The following KIAA1549L variants were observed in gnomAD, a reference collection of about 807,000 sequenced individuals.
KIAA1549L encodes KIAA1549 like, also known as UPF0606 protein KIAA1549L.
Under a neutral mutation model 160.7 loss-of-function variants are expected in KIAA1549L, and 88 were observed. The ratio of observed to expected loss-of-function variants is 0.55; its 90% CI spans 0.46 to 0.65. The LOEUF (loss-of-function observed/expected upper bound fraction) is 0.65, where lower values mean the gene tolerates loss of function less well. Among genes scored for constraint, KIAA1549L ranks in the 30% least tolerant of loss-of-function variants. KIAA1549L has a pLI of 0.00. For missense variants in KIAA1549L, 2,258 were observed against 2,437.5 expected, an observed-to-expected ratio of 0.93 and a Z score of 1.55; for synonymous variants, 950 against 976.7, an observed-to-expected ratio of 0.97 and a Z score of 0.51.
intron 15 of KIAA1549L, among the ~76,000 whole-genome samples, chr11:33,617,371 C>T (rs542443168): frequency 2.0e-5 from 3 of 152,082 alleles, no homozygotes; most frequent in Non-Finnish European, 2.9e-5. Context: ...TATTTACTTC[C>T]CACTCTTTGA....
intron 17 of KIAA1549L, among the ~76,000 whole-genome samples, chr11:33,654,499 G>A (rs1332482934): frequency 6.6e-6 from 1 of 152,128 alleles, no homozygotes; most frequent in South Asian, 2.1e-4. Flanking sequence ...CTCCAACAAG[G>A]ATTTACAATT....
At chr11:33,431,642 T>TC (rs1302167299) in intron 1 of KIAA1549L, among the ~76,000 whole-genome samples, 2 of 152,344 alleles carry the variant, frequency 1.3e-5, no homozygotes, top group Admixed American at 6.5e-5. Flanking sequence ...ATAAAGGTTC[T>TC]CCAAGGCCCC....
At chr11:33,651,113 A>G (rs1851871114) in intron 17 of KIAA1549L, among the ~76,000 whole-genome samples, 1 of 152,130 alleles carries the variant, frequency 6.6e-6, no homozygotes, top group Non-Finnish European at 1.5e-5. Flanking sequence ...TCTCTTGTTT[A>G]TGGCATCAAA....
Position 33,625,585 on chromosome 11 carries a change from T to C in KIAA1549L, c.5409+6923T>C, listed in dbSNP as rs995865015. On this transcript the variant is annotated intron_variant, in intron 16 of 20. Transcript: ENST00000658780. The stretch of plus-strand genomic sequence containing the variant: ...TTGAAAAGTGTCTGTTCATGTCCTT[T>C]GCCCACTTTTTGATGGGGTTGTTTG... Among the ~76,000 whole-genome samples, 717 of 152,236 alleles carry C rather than the reference T, an allele frequency of 4.7e-3. 3 individuals carry two copies. The highest frequency in any genetic ancestry group is 8.0e-3 in the Non-Finnish European group (542 of 68,000).
chr11:33,508,338 G>A (rs1304739880), intron 1 of KIAA1549L, among the ~76,000 whole-genome samples: 2 of 152,140 alleles, frequency 1.3e-5, no homozygotes, highest in African/African-American at 4.8e-5. Flanking sequence ...ACAGATAAGG[G>A]ACCTCAGGCA....
At chr11:33,605,266 A>G (rs942154275) in intron 13 of KIAA1549L, among the ~76,000 whole-genome samples, 13 of 151,948 alleles carry the variant, frequency 8.6e-5, no homozygotes, top group Non-Finnish European at 1.6e-4. Flanking sequence ...GGTCAGTCCC[A>G]TTCATCCTGG....
At chr11:33,513,278 A>G (rs753598969) in intron 1 of KIAA1549L, among the ~76,000 whole-genome samples, 16 of 152,168 alleles carry the variant, frequency 1.1e-4, no homozygotes, top group Non-Finnish European at 2.1e-4. Flanking sequence ...TCATGGAGGA[A>G]TGGGTGTTTT....
intron 1 of KIAA1549L, among the ~76,000 whole-genome samples, chr11:33,492,149 C>T (rs1216830006): frequency 1.3e-5 from 2 of 152,124 alleles, no homozygotes; most frequent in Non-Finnish European, 2.9e-5. Context: ...GACAGATCAC[C>T]TGAGGTCAGG....
Position 33,664,367 on chromosome 11 carries a change from G to A in KIAA1549L, c.6159+3353G>A, listed in dbSNP as rs181784121. 9.8e-4 allele frequency among the ~76,000 whole-genome samples: 149 copies of A among 152,028 alleles called. 1 individual carries two copies. Among genetic ancestry groups the A allele is most frequent in the Admixed American group, 1.7e-3 (26 of 15,280 alleles). The stretch of plus-strand genomic sequence containing the variant: ...CGTGGCTCCCAGCCAGGCGTCAGCC[G>A]CACATCTCAGGAACCTGCCTTCTCA... On this transcript the variant is annotated intron_variant, in intron 20 of 20. Transcript: ENST00000658780.
rs1852531155 is a variant in KIAA1549L at position 33,667,925 on chromosome 11, G to A, written c.6212G>A (p.Ser2071Asn). 1.9e-6 allele frequency: 3 copies of A among 1,613,716 alleles called. No individual in the cohort carries two copies. Among genetic ancestry groups the A allele is most frequent in the Non-Finnish European group, 2.5e-6 (3 of 1,179,804 alleles). ...TACCCCCGATCACGGTACCCCCAGA[G>A]CTCTCCCTCCAGGCTTCCTCGTCAG... ...EAYPRSRYPQ[S>N]SPSRLPRQYS... Residue 2071 changes from serine (S) to asparagine (N), a missense_variant, in exon 21 of 21, where the codon AGC becomes AAC. By Grantham distance (46) the Ser-to-Asn change is conservative. Around this residue, in one of 6 missense-constraint regions of KIAA1549L, gnomAD observed 1,359 missense variants for 1,546.6 expected, o/e 0.88. Coordinates refer to ENST00000658780, the MANE Select transcript of KIAA1549L (RefSeq NM_012194.3).
chr11:33,575,509 T>C (rs1341740545), intron 10 of KIAA1549L, among the ~76,000 whole-genome samples: 2 of 152,184 alleles, frequency 1.3e-5, no homozygotes, highest in African/African-American at 4.8e-5. Flanking sequence ...TCTGTTCTCA[T>C]TGGGGCAGTG....
chr11:33,548,837 T>C (rs531673604), intron 4 of KIAA1549L, among the ~76,000 whole-genome samples: 1 of 152,252 alleles, frequency 6.6e-6, no homozygotes, highest in Non-Finnish European at 1.5e-5. Context: ...TGATGTTCTG[T>C]CCTACAGCTG....
At chr11:33,638,181 A>G (rs912749469) in intron 16 of KIAA1549L, among the ~76,000 whole-genome samples, 2 of 152,154 alleles carry the variant, frequency 1.3e-5, no homozygotes, top group Non-Finnish European at 2.9e-5. Context: ...AAAAGTGTAC[A>G]CCCTTATAAC....
At chr11:33,456,509 G>C (rs1852796642) in intron 1 of KIAA1549L, among the ~76,000 whole-genome samples, 1 of 151,916 alleles carries the variant, frequency 6.6e-6, no homozygotes, top group African/African-American at 2.4e-5. Context: ...CTTCCACACT[G>C]AGGTGATCCT....
intron 16 of KIAA1549L, among the ~76,000 whole-genome samples, chr11:33,628,434 G>A (rs2133369985): frequency 6.6e-6 from 1 of 151,420 alleles, no homozygotes; most frequent in East Asian, 1.9e-4. Flanking sequence ...CTCTTTGTAG[G>A]TCACTCAGGA....
intron 1 of KIAA1549L, among the ~76,000 whole-genome samples, chr11:33,447,719 G>A (rs1851644437): frequency 6.6e-6 from 1 of 151,618 alleles, no homozygotes; most frequent in Admixed American, 6.6e-5. Flanking sequence ...TGTATTTTAT[G>A]TTAATTGCCT....
intron 1 of KIAA1549L, among the ~76,000 whole-genome samples, chr11:33,396,154 C>T (rs1221464985): frequency 2.0e-5 from 3 of 152,034 alleles, no homozygotes; most frequent in Admixed American, 2.0e-4. Flanking sequence ...GTGATAGCAC[C>T]CATGTTCCGG....
At chr11:33,638,433 A>AT (rs200582452) in intron 16 of KIAA1549L, among the ~76,000 whole-genome samples, 6,901 of 37,416 alleles carry the variant, frequency 0.18, 200 homozygotes, top group Middle Eastern at 0.22. Context: ...AAAAAAAAAA[A>AT]AAATAAATAA....
chr11:33,402,353 TCCTGCA>T (rs1850520379), intron 1 of KIAA1549L, among the ~76,000 whole-genome samples: 1 of 152,138 alleles, frequency 6.6e-6, no homozygotes, highest in African/African-American at 2.4e-5. Flanking sequence ...CCTTAATGTT[TCCTGCA>T]CCTGCTCCCT....
Sources: allele counts gnomAD v4.1 joint callset (sites outside exome capture counted in the v4.1 genomes callset), GRCh38; gene constraint gnomAD v4.1.1; regional missense constraint gnomAD v4.1.1; transcripts MANE v1.5; gene names NCBI Gene and HGNC (gene_info 2026-07-23, HGNC 2026-07-21).